The following NTRK3 variants were observed in gnomAD, a reference collection of about 807,000 sequenced individuals.
NTRK3 encodes the protein NT-3 growth factor receptor.
NTRK3 carries 24 observed loss-of-function variants against 91.7 expected under a neutral mutation model. The observed-to-expected ratio is 0.26, with a 90% CI of 0.19 to 0.37. NTRK3 has a LOEUF of 0.37. Among genes scored for constraint, NTRK3 ranks in the 10% least tolerant of loss-of-function variants. The probability of loss-of-function intolerance (pLI) is 1.00; values close to 1 mark genes in which losing one functional copy is unlikely to be tolerated. For missense variants in NTRK3, 880 were observed against 1,068.9 expected, an observed-to-expected ratio of 0.82 and a Z score of 2.46; for synonymous variants, 483 against 404.0, an observed-to-expected ratio of 1.20 and a Z score of -2.34.
chr15:87,885,101 C>T (rs1313476462), intron 17 of NTRK3, among the ~76,000 whole-genome samples: 2 of 151,880 alleles, frequency 1.3e-5, no homozygotes, highest in Non-Finnish European at 3.0e-5. Flanking sequence ...AAAAATCAAA[C>T]TATTCTCACA....
rs142998367 is a variant in NTRK3, at chr15:88,170,778, A to G, written c.395+12640T>C. Reference sequence around the variant, plus strand: ...GATTCCCTGGCCCTCATCACTCTGGAAAGTCAGTTCTAAAATGAACTGAAC... The same window carrying G: ...GATTCCCTGGCCCTCATCACTCTGGGAAGTCAGTTCTAAAATGAACTGAAC... On this transcript the variant is annotated intron_variant, in intron 5 of 18. Coordinates refer to ENST00000394480, the Ensembl canonical transcript of NTRK3. 6.3e-3 allele frequency among the ~76,000 whole-genome samples: 955 copies of G among 152,246 alleles called. 13 individuals are homozygous for G. The highest frequency in any genetic ancestry group is 0.02 in the African/African-American group (825 of 41,548).
In NTRK3 at chr15:88,073,822, G is replaced by A. The variant is rs914764172; in HGVS notation, c.1397-40777C>T. Among the ~76,000 whole-genome samples the A allele has an allele frequency of 1.4e-4, 22 of 152,076 alleles. No homozygotes were observed. The East Asian group carries it at 2.3e-3, about 16-fold the overall frequency. On this transcript the variant is annotated intron_variant, in intron 13 of 18. Coordinates refer to ENST00000394480, the Ensembl canonical transcript of NTRK3. ...AGGGAAGAGGAAATAGAGAGGCTTG[G>A]TAGGATGGCAAGACAGGGGTGTTCA...
intron 17 of NTRK3, among the ~76,000 whole-genome samples, chr15:87,884,115 A>G (rs1014366166): frequency 7.2e-6 from 1 of 139,046 alleles, no homozygotes; most frequent in African/African-American, 2.7e-5. Flanking sequence ...AGCCAAAAGG[A>G]AAATAAAAAT....
At chr15:88,025,386 C>T (rs1223385911) in intron 14 of NTRK3, among the ~76,000 whole-genome samples, 1 of 152,186 alleles carries the variant, frequency 6.6e-6, no homozygotes, top group Non-Finnish European at 1.5e-5. Context: ...CAGGTTATGT[C>T]CCCCTCAAAA....
At chr15:87,909,977 T>G (rs1443829445) in intron 17 of NTRK3, among the ~76,000 whole-genome samples, 1 of 152,126 alleles carries the variant, frequency 6.6e-6, no homozygotes, top group East Asian at 1.9e-4. Context: ...GGAGCACTGC[T>G]ATGGCAGCCC....
At chr15:88,169,097 G>C (rs2045268945) in intron 5 of NTRK3, among the ~76,000 whole-genome samples, 1 of 152,214 alleles carries the variant, frequency 6.6e-6, no homozygotes, top group Non-Finnish European at 1.5e-5. Flanking sequence ...CTTGAGCGGA[G>C]AGCCCTGGAG....
intron 14 of NTRK3, among the ~76,000 whole-genome samples, chr15:87,989,406 A>G (rs976850779): frequency 1.2e-4 from 19 of 152,196 alleles, no homozygotes; most frequent in Non-Finnish European, 2.4e-4. Flanking sequence ...CGCAAGGACA[A>G]AAAACCAAAC....
chr15:88,047,028 G>A (rs572686477), intron 13 of NTRK3, among the ~76,000 whole-genome samples: 3 of 152,282 alleles, frequency 2.0e-5, no homozygotes, highest in South Asian at 4.1e-4. Context: ...CTCCATGGGC[G>A]AGGCTGACAG....
At chr15:88,018,015 C>T (rs933682070) in intron 14 of NTRK3, among the ~76,000 whole-genome samples, 2 of 152,166 alleles carry the variant, frequency 1.3e-5, no homozygotes, top group East Asian at 3.9e-4. Context: ...CTGAGAGGCC[C>T]AGCCACAATC....
At chr15:88,070,816 C>T (rs964528504) in intron 13 of NTRK3, among the ~76,000 whole-genome samples, 1 of 152,080 alleles carries the variant, frequency 6.6e-6, no homozygotes, top group Admixed American at 6.5e-5. Flanking sequence ...TTCTTGACAA[C>T]AAGGGGCCTC....
chr15:87,973,597 G>A (rs1381850754), intron 14 of NTRK3, among the ~76,000 whole-genome samples: 1 of 152,148 alleles, frequency 6.6e-6, no homozygotes, highest in African/African-American at 2.4e-5. Flanking sequence ...AAGGAATCTG[G>A]AGGCTGCAAG....
At chr15:88,056,200 A>AT (rs776181087) in intron 13 of NTRK3, among the ~76,000 whole-genome samples, 36 of 99,950 alleles carry the variant, frequency 3.6e-4, no homozygotes, top group African/African-American at 1.1e-3. Context: ...ATATATATAT[A>AT]TATTTTTTTT....
chr15:88,171,392 G>T (rs569864448), intron 5 of NTRK3, among the ~76,000 whole-genome samples: 4 of 152,230 alleles, frequency 2.6e-5, no homozygotes, highest in African/African-American at 7.2e-5. Context: ...TCTGCTGGGG[G>T]GCTCCAGCCA....
At chr15:88,096,554 T>A (rs1039056919) in intron 13 of NTRK3, among the ~76,000 whole-genome samples, 5 of 152,172 alleles carry the variant, frequency 3.3e-5, no homozygotes, top group Non-Finnish European at 7.3e-5. Context: ...AGAGCCTGCA[T>A]CCTTTTTCTT....
At chr15:88,061,509 TACAGAGAAGCGGC>T in intron 13 of NTRK3, among the ~76,000 whole-genome samples, 1 of 152,244 alleles carries the variant, frequency 6.6e-6, no homozygotes, top group South Asian at 2.1e-4. Context: ...AGGCTGATAA[TACAGAGAAGCGGC>T]ACAGAGCAGG....
intron 5 of NTRK3, among the ~76,000 whole-genome samples, chr15:88,172,793 A>G (rs2045641722): frequency 6.6e-6 from 1 of 152,186 alleles, no homozygotes; most frequent in Non-Finnish European, 1.5e-5. Flanking sequence ...GGGGGGCATG[A>G]GTAATCTCAG....
At chr15:87,950,084 G>T (rs190726715) in intron 14 of NTRK3, among the ~76,000 whole-genome samples, 49 of 152,230 alleles carry the variant, frequency 3.2e-4, no homozygotes, top group Non-Finnish European at 4.6e-4. Context: ...CTGGCATCTG[G>T]CTCTGTCCCC....
chr15:88,197,462 T>A (rs2047935796), intron 3 of NTRK3, among the ~76,000 whole-genome samples: 1 of 152,162 alleles, frequency 6.6e-6, no homozygotes, highest in Non-Finnish European at 1.5e-5. Context: ...GACATCCCAA[T>A]GGCTATCAAA....
At chr15:88,187,403 C>T (rs1429814575) in intron 3 of NTRK3, among the ~76,000 whole-genome samples, 2 of 152,206 alleles carry the variant, frequency 1.3e-5, no homozygotes, top group Non-Finnish European at 2.9e-5. Flanking sequence ...CTATGACTCA[C>T]CACTTGGTAC....
Sources: gnomAD v4.1 joint callset for allele counts (sites outside exome capture counted in the v4.1 genomes callset) on GRCh38, gnomAD v4.1.1 for gene constraint, MANE v1.5 for transcripts, NCBI Gene and HGNC (gene_info 2026-07-23, HGNC 2026-07-21) for gene names.